The following AUTS2 variants were observed in gnomAD, a reference collection of about 807,000 sequenced individuals.
The protein encoded by AUTS2 is autism susceptibility gene 2 protein.
AUTS2 carries 17 observed loss-of-function variants against 112.4 expected under a neutral mutation model. The ratio of observed to expected loss-of-function variants is 0.15; its 90% CI spans 0.10 to 0.23. AUTS2 has a LOEUF of 0.23. Among genes scored for constraint, AUTS2 ranks in the 10% least tolerant of loss-of-function variants. The pLI, the probability that AUTS2 is intolerant of heterozygous loss-of-function variation, is 1.00. For missense variants in AUTS2, 1,510 were observed against 1,701.6 expected, an observed-to-expected ratio of 0.89 and a Z score of 1.98; for synonymous variants, 751 against 702.7, an observed-to-expected ratio of 1.07 and a Z score of -1.09.
chr7:70,492,469 C>T (rs1259023087), intron 5 of AUTS2, among the ~76,000 whole-genome samples: 4 of 152,156 alleles, frequency 2.6e-5, no homozygotes, highest in African/African-American at 7.2e-5. Flanking sequence ...GCATCAGGCA[C>T]TTGTGTTTTA....
chr7:69,788,489 A>G (rs1315913520), intron 1 of AUTS2, among the ~76,000 whole-genome samples: 2 of 152,192 alleles, frequency 1.3e-5, no homozygotes, highest in East Asian at 3.9e-4. Context: ...GCTTCAATCT[A>G]AAGAAACTTT....
rs1243512407 is a variant in AUTS2, at chr7:70,316,105, G to A, written c.661-119647G>A. Among the ~76,000 whole-genome samples, 7 of 152,288 alleles carry A rather than the reference G, an allele frequency of 4.6e-5. No individual in the cohort carries two copies. In the East Asian group the frequency reaches 1.4e-3, roughly 29 times the overall value. ...ATGCAGTATAAAATAAAGCAAAATA[G>A]GAAGTGTAGTAAGTCATAATGTAAT... is the stretch of plus-strand genomic sequence containing the variant. On this transcript the variant is annotated intron_variant, in intron 4 of 18. Transcript: ENST00000342771.
intron 4 of AUTS2, among the ~76,000 whole-genome samples, chr7:70,288,244 C>CA (rs971306940): frequency 1.1e-4 from 17 of 151,786 alleles, no homozygotes; most frequent in Non-Finnish European, 2.4e-4. Flanking sequence ...ACTAAAAATA[C>CA]AAAAAAAATT....
intron 6 of AUTS2, among the ~76,000 whole-genome samples, chr7:70,734,662 G>T (rs1787677805): frequency 6.6e-6 from 1 of 152,114 alleles, no homozygotes; most frequent in Non-Finnish European, 1.5e-5. Context: ...GAATAGATTA[G>T]TCAGAGTTTC....
intron 5 of AUTS2, among the ~76,000 whole-genome samples, chr7:70,691,874 A>ATTTTTTTTTTTTTTTTTTTTTTTTTTTT (rs34314079): frequency 7.6e-6 from 1 of 131,822 alleles, no homozygotes. Context: ...ATTGATGACA[A>ATTTTTTTTTTTTTTTTTTTTTTTTTTTT]TTTTTTTTTT....
intron 1 of AUTS2, among the ~76,000 whole-genome samples, chr7:69,705,927 A>G (rs189768649): frequency 8.7e-4 from 132 of 152,154 alleles, no homozygotes; most frequent in African/African-American, 3.0e-3. Flanking sequence ...GACAGCCGCC[A>G]TACTGGATTA....
At chr7:70,682,810 C>G (rs1249020592) in intron 5 of AUTS2, among the ~76,000 whole-genome samples, 3 of 152,232 alleles carry the variant, frequency 2.0e-5, no homozygotes, top group Non-Finnish European at 4.4e-5. Flanking sequence ...GGAGCCACAC[C>G]CAAGATGGCT....
At chr7:70,003,278 A>G (rs1255832603) in intron 2 of AUTS2, among the ~76,000 whole-genome samples, 1 of 128,020 alleles carries the variant, frequency 7.8e-6, no homozygotes, top group Non-Finnish European at 1.6e-5. Context: ...TATATATGTG[A>G]ATATATATAT....
chr7:69,646,922 T>TA (rs999404673), intron 1 of AUTS2, among the ~76,000 whole-genome samples: 51 of 152,094 alleles, frequency 3.4e-4, no homozygotes, highest in Admixed American at 7.2e-4. Flanking sequence ...CCGTCTCTAC[T>TA]AAAAAAATAC....
chr7:70,505,369 G>A (rs1798921695), intron 5 of AUTS2, among the ~76,000 whole-genome samples: 1 of 152,080 alleles, frequency 6.6e-6, no homozygotes, highest in Admixed American at 6.5e-5. Flanking sequence ...GTTAATATGG[G>A]GAATGTTGAT....
intron 6 of AUTS2, among the ~76,000 whole-genome samples, chr7:70,717,914 C>T (rs1810469156): frequency 6.6e-6 from 1 of 152,238 alleles, no homozygotes; most frequent in Admixed American, 6.5e-5. Context: ...CCAGCGCCAC[C>T]TGCCAACCAC....
intron 5 of AUTS2, among the ~76,000 whole-genome samples, chr7:70,662,350 G>A (rs1807120912): frequency 6.6e-6 from 1 of 152,188 alleles, no homozygotes; most frequent in Admixed American, 6.5e-5. Flanking sequence ...CTATGGACAT[G>A]GGTCCTGGAG....
At chr7:69,674,906 T>G (rs2129160690) in intron 1 of AUTS2, among the ~76,000 whole-genome samples, 1 of 152,306 alleles carries the variant, frequency 6.6e-6, no homozygotes, top group Non-Finnish European at 1.5e-5. Flanking sequence ...AGGAACAGAT[T>G]CCGAAGTGTG....
chr7:70,305,092 A>T (rs1413142508), intron 4 of AUTS2, among the ~76,000 whole-genome samples: 9 of 152,162 alleles, frequency 5.9e-5, no homozygotes, highest in Non-Finnish European at 1.3e-4. Flanking sequence ...TTGTGACCAC[A>T]TAGTATCCTA....
chr7:70,709,942 A>T (rs1809958497), intron 6 of AUTS2, among the ~76,000 whole-genome samples: 1 of 152,126 alleles, frequency 6.6e-6, no homozygotes, highest in African/African-American at 2.4e-5. Context: ...GTAAGAGGGG[A>T]TTGAGCCCCG....
At chr7:70,523,846 G>A (rs1022441278) in intron 5 of AUTS2, among the ~76,000 whole-genome samples, 4 of 152,176 alleles carry the variant, frequency 2.6e-5, no homozygotes, top group South Asian at 2.1e-4. Context: ...GGCGAAAACC[G>A]GTGAATCAGC....
At chr7:70,036,455 G>C (rs528068374) in intron 2 of AUTS2, among the ~76,000 whole-genome samples, 1 of 152,294 alleles carries the variant, frequency 6.6e-6, no homozygotes, top group East Asian at 1.9e-4. Context: ...TACTCTTTTA[G>C]GCTGGGTAGG....
Position 70,728,068 on chromosome 7 carries a change from G to A in AUTS2, c.742+29448G>A, listed in dbSNP as rs961257515. Among the ~76,000 whole-genome samples, 9 of 152,164 alleles carry A rather than the reference G, an allele frequency of 5.9e-5. No homozygotes were observed. In the South Asian group the frequency reaches 1.2e-3, roughly 21 times the overall value. ...TATGACCTGCTTTGGGGAAAGAAGG[G>A]TGGGAAGGTGAGAGTGACCTGCTGC... is the stretch of plus-strand genomic sequence containing the variant. On this transcript the variant is annotated intron_variant, in intron 6 of 18. Coordinates refer to ENST00000342771, the MANE Select transcript of AUTS2 (RefSeq NM_015570.4).
At chr7:69,793,328 A>G (rs1357664293) in intron 1 of AUTS2, among the ~76,000 whole-genome samples, 1 of 152,188 alleles carries the variant, frequency 6.6e-6, no homozygotes. Context: ...GTTCAAGTAA[A>G]TTCGTCAAAC....
Sources: allele counts gnomAD v4.1 joint callset (sites outside exome capture counted in the v4.1 genomes callset), GRCh38; gene constraint gnomAD v4.1.1; transcripts MANE v1.5; gene names NCBI Gene and HGNC (gene_info 2026-07-23, HGNC 2026-07-21).